CSMD1: variants seen among roughly 807,000 people sequenced by gnomAD.
The protein encoded by CSMD1 is CUB and Sushi multiple domains 1.
Under a neutral mutation model 417.5 loss-of-function variants are expected in CSMD1, and 213 were observed. The observed-to-expected ratio is 0.51, with a 90% confidence interval of 0.46 to 0.57. CSMD1 has a LOEUF of 0.57. Among genes scored for constraint, CSMD1 ranks in the 20% least tolerant of loss-of-function variants. The pLI is 0.00. For synonymous variants in CSMD1, 2,862 were observed against 1,736.8 expected (o/e 1.65, Z -16.11); for missense variants, 6,923 against 4,529.7 (o/e 1.53, Z -15.17).
At chr8:3,393,576 C>T (rs149863162) in intron 17 of CSMD1, among the ~76,000 whole-genome samples, 103 of 152,070 alleles carry the variant, frequency 6.8e-4, no homozygotes, top group African/African-American at 2.4e-3. Flanking sequence ...ATAGCAAAGA[C>T]TTGGAAACAA....
At chr8:3,837,094 A>G (rs1382643030) in intron 5 of CSMD1, among the ~76,000 whole-genome samples, 1 of 151,996 alleles carries the variant, frequency 6.6e-6, no homozygotes, top group African/African-American at 2.4e-5. Context: ...GAACGCTACC[A>G]TTGAGTAGAT....
intron 5 of CSMD1, 85 bp downstream of exon 5, chr8:3,997,818 A>G (rs1286394928): frequency 3.2e-6 from 4 of 1,253,482 alleles, no homozygotes; most frequent in Admixed American, 2.1e-5. Flanking sequence ...GAACGTCCAG[A>G]GACAAGCAAT....
At chr8:4,526,773 T>C (rs981193958) in intron 2 of CSMD1, among the ~76,000 whole-genome samples, 1 of 152,226 alleles carries the variant, frequency 6.6e-6, no homozygotes, top group Non-Finnish European at 1.5e-5. Flanking sequence ...ACTATGATTC[T>C]CCACAACCTG....
At chr8:3,291,561 G>T (rs533484477) in intron 25 of CSMD1, among the ~76,000 whole-genome samples, 2 of 152,154 alleles carry the variant, frequency 1.3e-5, no homozygotes, top group African/African-American at 4.8e-5. Context: ...TTGGGAGGAT[G>T]TATGTGTCGA....
chr8:4,764,889 A>C (rs1253020512), intron 1 of CSMD1, among the ~76,000 whole-genome samples: 64 of 39,998 alleles, frequency 1.6e-3, no homozygotes, highest in South Asian at 0.012. Flanking sequence ...AAAAAAAAAA[A>C]AAAAACAACA....
intron 3 of CSMD1, among the ~76,000 whole-genome samples, chr8:4,395,105 T>A (rs1437113524): frequency 6.6e-6 from 1 of 152,166 alleles, no homozygotes; most frequent in Non-Finnish European, 1.5e-5. Flanking sequence ...GAACCTCCGC[T>A]GGGAGACCCA....
intron 2 of CSMD1, among the ~76,000 whole-genome samples, chr8:4,556,556 A>G (rs1250349852): frequency 3.3e-5 from 5 of 152,228 alleles, no homozygotes; most frequent in Admixed American, 6.5e-5. Context: ...AACAGAGAAA[A>G]TAATACCTAC....
At chr8:4,951,741 C>T (rs759053375) in intron 1 of CSMD1, among the ~76,000 whole-genome samples, 3 of 151,552 alleles carry the variant, frequency 2.0e-5, no homozygotes, top group African/African-American at 2.4e-5. Flanking sequence ...ATGTTACTCA[C>T]AATCTTTCTC....
rs559685338 is a variant in CSMD1 at position 3,776,786 on chromosome 8, T to C, written c.819-22744A>G. The stretch of plus-strand genomic sequence containing the variant: ...TACAGAGATGATAGATGAGCAGTGA[T>C]AGATAGTGACATATAGACGAGATAT... On this transcript the variant is annotated intron_variant, in intron 5 of 69. Coordinates refer to ENST00000635120, the MANE Select transcript of CSMD1 (RefSeq NM_033225.6). Among the ~76,000 whole-genome samples the C allele has an allele frequency of 2.1e-3, 239 of 114,450 alleles. 2 individuals carry two copies. The highest frequency in any genetic ancestry group is 3.5e-3 in the Non-Finnish European group (200 of 56,832). The allele number at this position is 114,450 out of a possible 152,430, so 75.1% of individuals were successfully genotyped here. A position where few individuals can be genotyped will look rare whatever the true frequency, so the allele number is the denominator to read the frequency against.
chr8:3,818,897 G>A (rs1282457091), intron 5 of CSMD1, among the ~76,000 whole-genome samples: 2 of 152,114 alleles, frequency 1.3e-5, no homozygotes, highest in African/African-American at 4.8e-5. Flanking sequence ...AAACTTGAAA[G>A]CAAGACCACC....
chr8:4,113,837 G>C (rs1442368124), intron 3 of CSMD1, among the ~76,000 whole-genome samples: 2 of 152,182 alleles, frequency 1.3e-5, no homozygotes, highest in African/African-American at 2.4e-5. Flanking sequence ...GCCTACTTCA[G>C]AGCAAGCTCC....
intron 5 of CSMD1, among the ~76,000 whole-genome samples, chr8:3,765,249 C>T (rs1289178034): frequency 1.2e-4 from 19 of 152,112 alleles, no homozygotes; most frequent in Non-Finnish European, 2.9e-5. Context: ...CTGCTTTCGC[C>T]CTTGATCCTG....
chr8:4,041,980 G>A (rs962880534), intron 3 of CSMD1, among the ~76,000 whole-genome samples: 5 of 152,108 alleles, frequency 3.3e-5, no homozygotes, highest in African/African-American at 4.8e-5. Context: ...AAAAAAGAAA[G>A]ATTTCCAAGC....
At chr8:4,803,784 TTC>T (rs1308014317) in intron 1 of CSMD1, among the ~76,000 whole-genome samples, 1 of 152,220 alleles carries the variant, frequency 6.6e-6, no homozygotes, top group Non-Finnish European at 1.5e-5. Flanking sequence ...TATTTAGTCC[TTC>T]TCTTTGTTGG....
intron 10 of CSMD1, among the ~76,000 whole-genome samples, chr8:3,514,331 G>A (rs1797199446): frequency 6.6e-6 from 1 of 152,142 alleles, no homozygotes; most frequent in Admixed American, 6.6e-5. Flanking sequence ...TGGCTAGGTG[G>A]CTGATCTCCC....
At chr8:4,653,702 C>T (rs1296640926) in intron 1 of CSMD1, among the ~76,000 whole-genome samples, 2 of 151,994 alleles carry the variant, frequency 1.3e-5, no homozygotes, top group Non-Finnish European at 2.9e-5. Context: ...AAGCATAACA[C>T]AAATGGCAGA....
At chr8:3,016,928 A>G (rs767366083) in intron 52 of CSMD1, among the ~76,000 whole-genome samples, 1 of 152,224 alleles carries the variant, frequency 6.6e-6, no homozygotes, top group Non-Finnish European at 1.5e-5. Flanking sequence ...AGACACAAGA[A>G]TAACACAAGA....
At chr8:4,578,599 G>A (rs769418063) in intron 2 of CSMD1, among the ~76,000 whole-genome samples, 6 of 151,168 alleles carry the variant, frequency 4.0e-5, no homozygotes, top group African/African-American at 1.2e-4. Context: ...GGCGGTTCAC[G>A]AGGTCAGGAG....
intron 5 of CSMD1, among the ~76,000 whole-genome samples, chr8:3,824,150 A>T (rs1218723841): frequency 6.6e-6 from 1 of 152,178 alleles, no homozygotes; most frequent in Non-Finnish European, 1.5e-5. Flanking sequence ...CAGCCGAGTC[A>T]AACATTCCAA....
Sources: allele counts gnomAD v4.1 joint callset (sites outside exome capture counted in the v4.1 genomes callset), GRCh38; gene constraint gnomAD v4.1.1; transcripts MANE v1.5; gene names NCBI Gene and HGNC (gene_info 2026-07-23, HGNC 2026-07-21).